Variants in SPIRE1 observed in about 807,000 individuals in gnomAD.
SPIRE1 encodes protein spire homolog 1.
SPIRE1 carries 40 observed loss-of-function variants against 94.1 expected under a neutral mutation model. The observed-to-expected ratio is 0.43, with a 90% CI of 0.33 to 0.55. The LOEUF (loss-of-function observed/expected upper bound fraction) is 0.55. Ranked by LOEUF, SPIRE1 falls within the 20% of genes least tolerant of loss-of-function variation. SPIRE1 has a pLI of 0.06. For missense variants in SPIRE1, 838 were observed against 975.2 expected (o/e 0.86, Z 1.87); for synonymous variants, 376 against 371.7 (o/e 1.01, Z -0.13).
chr18:12,615,337 A>AAAATAAAAATAAAAAT (rs2037259546), intron 2 of SPIRE1, among the ~76,000 whole-genome samples: 1 of 42,422 alleles, frequency 2.4e-5, no homozygotes, highest in South Asian at 8.6e-4. Flanking sequence ...CAAAAAAAAA[A>AAAATAAAAATAAAAAT]AAAAAAAAAT....
intron 10 of SPIRE1, among the ~76,000 whole-genome samples, chr18:12,471,904 C>T (rs1482345030): frequency 1.3e-5 from 2 of 152,074 alleles, no homozygotes; most frequent in Non-Finnish European, 2.9e-5. Flanking sequence ...CATGCCTCAG[C>T]CTCCCGAGTA....
chr18:12,495,962 T>A, intron 7 of SPIRE1, 54 bp downstream of exon 7: 2 of 1,370,272 alleles, frequency 1.5e-6, no homozygotes, highest in South Asian at 2.3e-5. Context: ...CACCCTAGAG[T>A]AGAATAATTC....
intron 10 of SPIRE1, among the ~76,000 whole-genome samples, chr18:12,468,740 C>T (rs12455481): frequency 0.4 from 61,418 of 151,858 alleles, 12,960 homozygotes; most frequent in East Asian, 0.65. Flanking sequence ...TAGTCCTCTC[C>T]AGTTCAAAAA....
chr18:12,572,792 G>A (rs1043903265), intron 2 of SPIRE1, among the ~76,000 whole-genome samples: 3 of 152,142 alleles, frequency 2.0e-5, no homozygotes, highest in African/African-American at 7.2e-5. Flanking sequence ...AGCCAGGATT[G>A]TCTTTTCATC....
chr18:12,471,576 A>G (rs1785334), intron 10 of SPIRE1, among the ~76,000 whole-genome samples: 132,967 of 152,110 alleles, frequency 0.87, 59,491 homozygotes, highest in Non-Finnish European at 0.97. Context: ...CGTCCGCCTC[A>G]GCCTCCCAGT....
At chr18:12,460,505 G>A (rs368182639) in intron 12 of SPIRE1, among the ~76,000 whole-genome samples, 1 of 152,194 alleles carries the variant, frequency 6.6e-6, no homozygotes, top group African/African-American at 2.4e-5. Flanking sequence ...CTGAGGTCAG[G>A]AGTTCGAGAC....
chr18:12,634,947 A>G lies in SPIRE1; in HGVS notation c.372+115T>C. 3 of 595,358 alleles carry G rather than the reference A, an allele frequency of 5.0e-6. No homozygotes were observed. In the East Asian group the frequency reaches 9.7e-5, roughly 19 times the overall value. 36.9% of individuals were successfully genotyped at this position (595,358 alleles called of 1,614,324 possible). ...CAAAAGTCCATCTCAAAAAAAAAAA[A>G]AAAGAAATCTTATCAGAAGACCAAG... On this transcript the variant is annotated intron_variant, in intron 2 of 16. Coordinates refer to ENST00000409402, the MANE Select transcript of SPIRE1 (RefSeq NM_001128626.2).
At position 12,457,051 on chromosome 18, in the gene SPIRE1, G is replaced by A. The variant is rs183107127; in HGVS notation, c.1639-2568C>T. ...TCGCCATGTTGGCCAGGCTGGTCTC[G>A]AACTCCTGTCCTCAAGTGATCTGCC... is the stretch of plus-strand genomic sequence containing the variant. On this transcript the variant is annotated intron_variant, in intron 12 of 16. Coordinates refer to ENST00000409402, the MANE Select transcript of SPIRE1 (RefSeq NM_001128626.2). 3.7e-3 allele frequency among the ~76,000 whole-genome samples: 563 copies of A among 152,174 alleles called. 4 individuals carry two copies. Among genetic ancestry groups the A allele is most frequent in the African/African-American group, 0.013 (520 of 41,512 alleles).
intron 3 of SPIRE1, among the ~76,000 whole-genome samples, chr18:12,539,359 G>A (rs1178639283): frequency 1.3e-5 from 2 of 152,076 alleles, no homozygotes; most frequent in South Asian, 2.1e-4. Context: ...TGCTGCCAGC[G>A]ATGTAAGACA....
chr18:12,467,316 A>AGT (rs1159935270), intron 10 of SPIRE1, among the ~76,000 whole-genome samples: 1 of 152,182 alleles, frequency 6.6e-6, no homozygotes, highest in Non-Finnish European at 1.5e-5. Context: ...AGGTTTAAAT[A>AGT]GTGACCTCCA....
chr18:12,572,254 T>C (rs948728432), intron 2 of SPIRE1, among the ~76,000 whole-genome samples: 1 of 152,108 alleles, frequency 6.6e-6, no homozygotes, highest in African/African-American at 2.4e-5. Flanking sequence ...TGGGTCTTTA[T>C]CAAATAAAAT....
chr18:12,491,019 T>C (rs1010011406), intron 8 of SPIRE1, among the ~76,000 whole-genome samples: 1 of 152,050 alleles, frequency 6.6e-6, no homozygotes, highest in South Asian at 2.1e-4. Context: ...ATCTTACAGA[T>C]AGAAAACTCC....
intron 2 of SPIRE1, among the ~76,000 whole-genome samples, chr18:12,566,885 A>G (rs563564799): frequency 1.3e-5 from 2 of 152,278 alleles, no homozygotes; most frequent in South Asian, 4.1e-4. Flanking sequence ...GCAGAAAAAG[A>G]TACTATGAGA....
chr18:12,456,782 T>C (rs990965954), intron 12 of SPIRE1, among the ~76,000 whole-genome samples: 4 of 152,206 alleles, frequency 2.6e-5, no homozygotes, highest in African/African-American at 9.6e-5. Context: ...TAGTAAAGCA[T>C]ATTTTCAACT....
At chr18:12,590,886 A>T (rs2186907) in intron 2 of SPIRE1, among the ~76,000 whole-genome samples, 85,000 of 152,048 alleles carry the variant, frequency 0.56, 24,969 homozygotes, top group Middle Eastern at 0.76. Context: ...TTGGCCTTAA[A>T]ACAAATTCAC....
At chr18:12,618,291 G>A (rs927410959) in intron 2 of SPIRE1, among the ~76,000 whole-genome samples, 8 of 151,878 alleles carry the variant, frequency 5.3e-5, no homozygotes, top group Non-Finnish European at 8.8e-5. Flanking sequence ...TAGTAGAGAT[G>A]GAGTTTCCCC....
chr18:12,476,076 T>C (rs2032559559), intron 10 of SPIRE1, among the ~76,000 whole-genome samples: 1 of 152,212 alleles, frequency 6.6e-6, no homozygotes, highest in African/African-American at 2.4e-5. Context: ...ATGTTAATAG[T>C]GTTTTAGAAT....
chr18:12,621,710 T>C (rs1358501924), intron 2 of SPIRE1, among the ~76,000 whole-genome samples: 1 of 152,196 alleles, frequency 6.6e-6, no homozygotes, highest in African/African-American at 2.4e-5. Context: ...TAGGAGGTGA[T>C]AGCTAAAAGG....
chr18:12,466,682 T>C (rs1018616994), intron 10 of SPIRE1, among the ~76,000 whole-genome samples: 1 of 152,208 alleles, frequency 6.6e-6, no homozygotes, highest in Non-Finnish European at 1.5e-5. Flanking sequence ...CTAAAATGAC[T>C]TAAATTTTTT....
Sources: gnomAD v4.1 joint callset for allele counts (sites outside exome capture counted in the v4.1 genomes callset) on GRCh38, gnomAD v4.1.1 for gene constraint, MANE v1.5 for transcripts, NCBI Gene and HGNC (gene_info 2026-07-23, HGNC 2026-07-21) for gene names.